TIAM1: variants seen among roughly 807,000 people sequenced by gnomAD.
TIAM1 encodes the protein TIAM Rac1 associated GEF 1.
In TIAM1, 65 loss-of-function variants were observed where a neutral mutation model predicts 163.5. The ratio of observed to expected loss-of-function variants is 0.40; its 90% CI spans 0.33 to 0.49. The LOEUF (loss-of-function observed/expected upper bound fraction) is 0.49. TIAM1 is among the 20% of genes least tolerant of loss of function. The pLI is 0.77. For synonymous variants in TIAM1, 833 were observed against 810.1 expected, an observed-to-expected ratio of 1.03 and a Z score of -0.48; for missense variants, 1,789 against 2,044.7, an observed-to-expected ratio of 0.87 and a Z score of 2.41.
intron 2 of TIAM1, among the ~76,000 whole-genome samples, chr21:31,283,970 T>A (rs555405605): frequency 1.4e-4 from 21 of 152,288 alleles, no homozygotes; most frequent in African/African-American, 5.1e-4. Flanking sequence ...AATTCCAAGT[T>A]TCAGTCACAT....
chr21:31,386,647 C>T (rs2076877184), intron 2 of TIAM1, among the ~76,000 whole-genome samples: 1 of 152,082 alleles, frequency 6.6e-6, no homozygotes, highest in Non-Finnish European at 1.5e-5. Flanking sequence ...GCAAGGGACC[C>T]AAAGACATCC....
chr21:31,295,439 C>T (rs553502750), intron 2 of TIAM1, among the ~76,000 whole-genome samples: 1,794 of 136,270 alleles, frequency 0.013, 21 homozygotes, highest in Non-Finnish European at 0.019. Flanking sequence ...CACTGCATTC[C>T]AGCCTGGGTG....
chr21:31,146,837 G>C lies in TIAM1; in HGVS notation c.3475+58C>G. 2.8e-6 allele frequency: 4 copies of C among 1,430,964 alleles called. No individual in the cohort carries two copies. In the South Asian group the frequency reaches 3.5e-5, roughly 13 times the overall value. The allele number at this position is 1,430,964 out of a possible 1,614,324, so 88.6% of individuals were successfully genotyped here. ...TTCTGCCCAAAAGCCCCCAACCACT[G>C]TCAGCCACACAACTGACAAGCAACA... On this transcript the variant is annotated intron_variant, in intron 20 of 27. Transcript: ENST00000541036.
At chr21:31,421,285 G>A (rs988644397) in intron 2 of TIAM1, among the ~76,000 whole-genome samples, 28 of 152,272 alleles carry the variant, frequency 1.8e-4, no homozygotes, top group Admixed American at 9.2e-4. Flanking sequence ...GCAGCTACAA[G>A]CCAAGAAATG....
At chr21:31,180,295 C>T (rs1452582318) in intron 15 of TIAM1, among the ~76,000 whole-genome samples, 1 of 151,432 alleles carries the variant, frequency 6.6e-6, no homozygotes, top group Non-Finnish European at 1.5e-5. Flanking sequence ...CTCAGTCATA[C>T]TTTACATCAG....
intron 6 of TIAM1, among the ~76,000 whole-genome samples, chr21:31,237,934 AG>A (rs2070979240): frequency 1.3e-5 from 2 of 152,220 alleles, no homozygotes; most frequent in Non-Finnish European, 2.9e-5. Context: ...TTCAAGTTGA[AG>A]GAAAGAACTT....
chr21:31,306,360 T>C (rs370827931), intron 2 of TIAM1, among the ~76,000 whole-genome samples: 2 of 151,996 alleles, frequency 1.3e-5, no homozygotes, highest in African/African-American at 2.4e-5. Context: ...CAAGTCCATA[T>C]AGAGAGAAAT....
At chr21:31,448,965 C>T (rs1363620101) in intron 2 of TIAM1, among the ~76,000 whole-genome samples, 1 of 151,990 alleles carries the variant, frequency 6.6e-6, no homozygotes, top group African/African-American at 2.4e-5. Context: ...CTAGGATTGG[C>T]TTGTTTTGGT....
intron 1 of TIAM1, among the ~76,000 whole-genome samples, chr21:31,536,495 G>A (rs969080028): frequency 5.9e-5 from 9 of 152,180 alleles, no homozygotes; most frequent in South Asian, 2.1e-4. Context: ...CAGGACAGCC[G>A]GGACCCACTA....
At chr21:31,194,288 G>A (rs963404052) in intron 13 of TIAM1, among the ~76,000 whole-genome samples, 1 of 152,154 alleles carries the variant, frequency 6.6e-6, no homozygotes, top group Non-Finnish European at 1.5e-5. Context: ...ATAGTTGTGA[G>A]TATGACCAGA....
intron 1 of TIAM1, among the ~76,000 whole-genome samples, chr21:31,511,307 C>T (rs2047203118): frequency 6.6e-6 from 1 of 152,208 alleles, no homozygotes; most frequent in African/African-American, 2.4e-5. Context: ...CTTAGCCATA[C>T]ATAGAAAGCC....
In TIAM1 at chr21:31,412,392, G is replaced by A. The variant is rs139495828; in HGVS notation, c.-369+51591C>T. ...CCCAGCCTTTTTGGCACCAGGGACC[G>A]GTTTCATGGAAGACAGTTTTTCCAT... On this transcript the variant is annotated intron_variant, in intron 2 of 28. Transcript: ENST00000286827. Among the ~76,000 whole-genome samples, 271 of 152,206 alleles carry A rather than the reference G, an allele frequency of 1.8e-3. 1 individual carries two copies. Among genetic ancestry groups the A allele is most frequent in the African/African-American group, 3.9e-3 (164 of 41,530 alleles).
intron 4 of TIAM1, among the ~76,000 whole-genome samples, chr21:31,255,858 A>G (rs1033230535): frequency 6.6e-6 from 1 of 152,202 alleles, no homozygotes; most frequent in African/African-American, 2.4e-5. Flanking sequence ...CATGAACAAC[A>G]TTCACAGGGC....
intron 1 of TIAM1, among the ~76,000 whole-genome samples, chr21:31,508,466 G>A (rs932904044): frequency 1.2e-4 from 17 of 146,762 alleles, no homozygotes; most frequent in Non-Finnish European, 2.1e-4. Flanking sequence ...TCGGCTCACT[G>A]CAACCTCCGC....
chr21:31,155,723 C>G lies in TIAM1; in HGVS notation c.2992-1297G>C, dbSNP rs1323894698. 6.6e-5 allele frequency among the ~76,000 whole-genome samples: 10 copies of G among 152,212 alleles called. No individual in the cohort carries two copies. The South Asian group carries it at 1.2e-3, about 19-fold the overall frequency. On this transcript the variant is annotated intron_variant, in intron 16 of 27. Transcript: ENST00000541036. ...ATTTCAACATGTTGGCCAGGATGGT[C>G]TCAATCTGACCTTGTGATCCACCCG...
chr21:31,554,602 G>T (rs1346684051), intron 1 of TIAM1, among the ~76,000 whole-genome samples: 1 of 152,220 alleles, frequency 6.6e-6, no homozygotes, highest in East Asian at 1.9e-4. Context: ...GTGCTCAGCT[G>T]AAAGAAACTT....
intron 1 of TIAM1, among the ~76,000 whole-genome samples, chr21:31,489,941 G>A (rs1426279597): frequency 1.3e-5 from 2 of 152,074 alleles, no homozygotes; most frequent in Non-Finnish European, 2.9e-5. Context: ...GGAGTAAGAG[G>A]AAAAAGAAGA....
chr21:31,163,388 GT>G (rs1295846880), intron 16 of TIAM1, among the ~76,000 whole-genome samples: 1 of 152,144 alleles, frequency 6.6e-6, no homozygotes, highest in African/African-American at 2.4e-5. Flanking sequence ...TAAGCAGTTG[GT>G]TTTTTAAATT....
At chr21:31,208,569 A>C (rs1385927552) in intron 11 of TIAM1, among the ~76,000 whole-genome samples, 1 of 152,266 alleles carries the variant, frequency 6.6e-6, no homozygotes, top group African/African-American at 2.4e-5. Flanking sequence ...ACCCTCGTAC[A>C]TGAAGGATTC....
Sources: allele counts gnomAD v4.1 joint callset (sites outside exome capture counted in the v4.1 genomes callset), GRCh38; gene constraint gnomAD v4.1.1; transcripts MANE v1.5; gene names NCBI Gene and HGNC (gene_info 2026-07-23, HGNC 2026-07-21).